RBFOX1: variants seen among roughly 807,000 people sequenced by gnomAD.
RBFOX1 encodes RNA binding protein fox-1 homolog 1.
RBFOX1 carries 8 observed loss-of-function variants against 57.7 expected under a neutral mutation model. The ratio of observed to expected loss-of-function variants is 0.14; its 90% CI spans 0.08 to 0.25. The LOEUF (loss-of-function observed/expected upper bound fraction) is 0.25. Among genes scored for constraint, RBFOX1 ranks in the 10% least tolerant of loss-of-function variants. The pLI is 1.00. For missense variants in RBFOX1, 611 were observed against 548.5 expected (o/e 1.11, Z -1.14); for synonymous variants, 326 against 222.4 (o/e 1.47, Z -4.15).
At chr16:6,197,306 T>C (rs2097186082) in intron 1 of RBFOX1, among the ~76,000 whole-genome samples, 1 of 152,144 alleles carries the variant, frequency 6.6e-6, no homozygotes, top group Admixed American at 6.6e-5. Flanking sequence ...TCATATTTTA[T>C]CATCCGTATC....
At chr16:6,085,194 C>G (rs1315213060) in intron 1 of RBFOX1, among the ~76,000 whole-genome samples, 1 of 152,134 alleles carries the variant, frequency 6.6e-6, no homozygotes, top group Non-Finnish European at 1.5e-5. Context: ...CCTGGCAAGA[C>G]TTTCTCATTT....
chr16:7,129,774 A>T (rs2069697641), intron 4 of RBFOX1, among the ~76,000 whole-genome samples: 1 of 149,692 alleles, frequency 6.7e-6, no homozygotes, highest in Non-Finnish European at 1.5e-5. Context: ...CCTAGCTGCA[A>T]AGAGACATTT....
intron 4 of RBFOX1, among the ~76,000 whole-genome samples, chr16:7,302,581 C>A (rs536329784): frequency 3.0e-4 from 46 of 151,566 alleles, no homozygotes; most frequent in African/African-American, 1.1e-3. Flanking sequence ...TTTCAGGAAG[C>A]CCAACAATCA....
chr16:5,415,301 CCAT>C (rs2067132545), intron 1 of RBFOX1, among the ~76,000 whole-genome samples: 1 of 152,138 alleles, frequency 6.6e-6, no homozygotes, highest in African/African-American at 2.4e-5. Context: ...TGAGGAAGTG[CCAT>C]ACTTTAAAAC....
intron 3 of RBFOX1, among the ~76,000 whole-genome samples, chr16:5,811,062 A>G (rs896642185): frequency 6.6e-6 from 1 of 151,774 alleles, no homozygotes; most frequent in Admixed American, 6.6e-5. Flanking sequence ...TCCTCCTCAG[A>G]CAACCACTGA....
At chr16:6,464,447 G>T (rs2094993360) in intron 2 of RBFOX1, among the ~76,000 whole-genome samples, 1 of 152,160 alleles carries the variant, frequency 6.6e-6, no homozygotes, top group Non-Finnish European at 1.5e-5. Context: ...AGTCTTGGAT[G>T]ACAGCAACAA....
In RBFOX1 at chr16:6,138,195, C is replaced by T. The variant is rs549213529; in HGVS notation, c.-127+118203C>T. 4.5e-3 allele frequency among the ~76,000 whole-genome samples: 678 copies of T among 152,312 alleles called. 5 individuals are homozygous for T. Among genetic ancestry groups the T allele is most frequent in the Non-Finnish European group, 7.6e-3 (519 of 68,026 alleles). Reference sequence around the variant, plus strand: ...ACTTAGGGCCCATTTGATGGGTGTGCGGTCTGGGCCCCTGCCCAGCCACAC... The same window carrying T: ...ACTTAGGGCCCATTTGATGGGTGTGTGGTCTGGGCCCCTGCCCAGCCACAC... On this transcript the variant is annotated intron_variant, in intron 1 of 15. Transcript: ENST00000550418.
chr16:6,987,212 C>G (rs1189294763), intron 3 of RBFOX1, among the ~76,000 whole-genome samples: 2 of 151,992 alleles, frequency 1.3e-5, no homozygotes, highest in African/African-American at 2.4e-5. Flanking sequence ...CCCATAATAA[C>G]AAGAATGAAA....
intron 2 of RBFOX1, among the ~76,000 whole-genome samples, chr16:6,442,186 C>T (rs115804296): frequency 0.019 from 2,944 of 152,222 alleles, 90 homozygotes; most frequent in African/African-American, 0.066. Context: ...GTGGTAGCTT[C>T]TCAGAAAAAT....
intron 1 of RBFOX1, among the ~76,000 whole-genome samples, chr16:6,250,207 T>G (rs1416702179): frequency 6.6e-6 from 1 of 152,164 alleles, no homozygotes; most frequent in Non-Finnish European, 1.5e-5. Flanking sequence ...GGGACTATCT[T>G]TTTTTCCCTT....
intron 1 of RBFOX1, among the ~76,000 whole-genome samples, chr16:6,291,604 C>G (rs79699685): frequency 0.039 from 5,889 of 152,298 alleles, 380 homozygotes; most frequent in African/African-American, 0.13. Context: ...TCCCTCACCT[C>G]TTGCCCGCCT....
intron 3 of RBFOX1, among the ~76,000 whole-genome samples, chr16:6,932,997 T>C (rs1204213645): frequency 1.3e-5 from 2 of 152,248 alleles, no homozygotes; most frequent in Non-Finnish European, 2.9e-5. Flanking sequence ...ATTCAGTATT[T>C]GTCTTTTTGT....
At chr16:7,412,428 A>AAG (rs35920304) in intron 4 of RBFOX1, among the ~76,000 whole-genome samples, 1 of 151,058 alleles carries the variant, frequency 6.6e-6, no homozygotes, top group Admixed American at 6.6e-5. Flanking sequence ...AAAAAAAAAA[A>AAG]GTTAATAATA....
chr16:5,351,480 A>T (rs1342427336), intron 1 of RBFOX1, among the ~76,000 whole-genome samples: 2 of 152,318 alleles, frequency 1.3e-5, no homozygotes, highest in Non-Finnish European at 2.9e-5. Flanking sequence ...CATATCATTG[A>T]ACTGATGCCT....
intron 1 of RBFOX1, among the ~76,000 whole-genome samples, chr16:5,327,551 A>G (rs2064615862): frequency 6.6e-6 from 1 of 152,152 alleles, no homozygotes; most frequent in African/African-American, 2.4e-5. Flanking sequence ...CTGCTGCTTA[A>G]TTTTAGCCCT....
intron 1 of RBFOX1, among the ~76,000 whole-genome samples, chr16:5,419,833 GAGA>G (rs1276671065): frequency 6.6e-6 from 1 of 152,116 alleles, no homozygotes; most frequent in East Asian, 1.9e-4. Flanking sequence ...TTTGAAGATG[GAGA>G]AGGAGTGTGG....
At chr16:7,197,162 G>T (rs1361111301) in intron 4 of RBFOX1, among the ~76,000 whole-genome samples, 2 of 152,010 alleles carry the variant, frequency 1.3e-5, no homozygotes, top group Non-Finnish European at 2.9e-5. Context: ...GCGTTCTCTG[G>T]TTTCTCCAGG....
intron 4 of RBFOX1, among the ~76,000 whole-genome samples, chr16:7,298,275 G>GTTTTTTT (rs1281918637): frequency 3.4e-5 from 4 of 117,560 alleles, no homozygotes; most frequent in African/African-American, 6.9e-5. Context: ...TTGTGTATAG[G>GTTTTTTT]TTTTTTTTTG....
At chr16:7,442,151 C>G (rs979450614) in intron 4 of RBFOX1, among the ~76,000 whole-genome samples, 1 of 152,102 alleles carries the variant, frequency 6.6e-6, no homozygotes, top group African/African-American at 2.4e-5. Context: ...GATGCATGAA[C>G]GGGACCCCAG....
Sources: gnomAD v4.1 joint callset for allele counts (sites outside exome capture counted in the v4.1 genomes callset) on GRCh38, gnomAD v4.1.1 for gene constraint, MANE v1.5 for transcripts, NCBI Gene and HGNC (gene_info 2026-07-23, HGNC 2026-07-21) for gene names.